The following EPB41L1 variants were observed in gnomAD, a reference collection of about 807,000 sequenced individuals.
EPB41L1 encodes the protein band 4.1-like protein 1.
Under a neutral mutation model 97.8 loss-of-function variants are expected in EPB41L1, and 29 were observed. That is an observed-to-expected ratio of 0.30 (90% CI 0.22 to 0.40). The LOEUF (loss-of-function observed/expected upper bound fraction) is 0.40, where lower values mean the gene tolerates loss of function less well. Ranked by LOEUF, EPB41L1 falls within the 10% of genes least tolerant of loss-of-function variation. EPB41L1 has a pLI of 1.00. For synonymous variants in EPB41L1, 383 were observed against 459.2 expected, an observed-to-expected ratio of 0.83 and a Z score of 2.12; for missense variants, 812 against 1,162.3, an observed-to-expected ratio of 0.70 and a Z score of 4.38.
chr20:36,211,440 A>G (rs1412961654), intron 15 of EPB41L1, among the ~76,000 whole-genome samples: 2 of 152,174 alleles, frequency 1.3e-5, no homozygotes, highest in African/African-American at 4.8e-5. Context: ...ACAGCTTGCC[A>G]TACCCAAATG....
chr20:36,196,835 G>A lies in EPB41L1; in HGVS notation c.1486-1024G>A, dbSNP rs531786809. 3.3e-5 allele frequency among the ~76,000 whole-genome samples: 5 copies of A among 152,356 alleles called. No individual in the cohort carries two copies. In the East Asian group the frequency reaches 9.6e-4, roughly 29 times the overall value. Reference sequence around the variant, plus strand: ...CACCACTTTGCCCCAGAAGTAGCCAGATAAACAGCTTTTGGCAGGTCCCTG... The same window carrying A: ...CACCACTTTGCCCCAGAAGTAGCCAAATAAACAGCTTTTGGCAGGTCCCTG... On this transcript the variant is annotated intron_variant, in intron 13 of 21. Coordinates refer to ENST00000338074, the MANE Select transcript of EPB41L1 (RefSeq NM_012156.2).
chr20:36,175,744 C>T lies in EPB41L1; in HGVS notation c.342+29C>T, dbSNP rs372360979. ...GGGGAGCACTGAGTGCCATATGTCC[C>T]GTCCCCGGTCAGCCAGCCTCAGGTC... On this transcript the variant is annotated intron_variant, in intron 3 of 21. Coordinates refer to ENST00000338074, the MANE Select transcript of EPB41L1 (RefSeq NM_012156.2). The T allele has an allele frequency of 2.6e-4, 426 of 1,612,940 alleles. 1 individual carries two copies. The East Asian group carries it at 4.2e-3, about 16-fold the overall frequency.
chr20:36,147,648 A>C (rs1346966098), intron 2 of EPB41L1, among the ~76,000 whole-genome samples: 1 of 152,242 alleles, frequency 6.6e-6, no homozygotes, highest in Non-Finnish European at 1.5e-5. Flanking sequence ...GTGCCAGCAC[A>C]TAAGTGGGGA....
At chr20:36,103,650 A>G (rs1178979541) in intron 1 of EPB41L1, among the ~76,000 whole-genome samples, 1 of 151,040 alleles carries the variant, frequency 6.6e-6, no homozygotes. Flanking sequence ...CTAATAAATG[A>G]TTATGAGTTA....
At chr20:36,228,067 T>C (rs1483504262) in intron 21 of EPB41L1, among the ~76,000 whole-genome samples, 1 of 152,240 alleles carries the variant, frequency 6.6e-6, no homozygotes, top group Admixed American at 6.5e-5. Context: ...TCGGTTTTCC[T>C]ATGTGTCAAA....
chr20:36,210,032 G>A (rs542428456), intron 15 of EPB41L1, 134 bp downstream of exon 15: 32 of 1,059,670 alleles, frequency 3.0e-5, no homozygotes, highest in Middle Eastern at 3.0e-4. Flanking sequence ...CTGCCCCTCC[G>A]CAGAACAGCA....
In EPB41L1 at chr20:36,195,244, G is replaced by A; in HGVS notation, c.1450-85G>A. The stretch of plus-strand genomic sequence containing the variant: ...CGAGTGTGCGTGCTCTGGGCTCCTT[G>A]CTGGACCAAGCCCATCGTGGTATCT... On this transcript the variant is annotated intron_variant, in intron 12 of 21. Coordinates refer to ENST00000338074, the MANE Select transcript of EPB41L1 (RefSeq NM_012156.2). This position sits in a 1 kb window ranked among gnomAD's most constrained non-coding sequence, Gnocchi z 4.6. 6.4e-7 allele frequency: 1 copy of A among 1,566,692 alleles called. No homozygotes were observed. Among genetic ancestry groups the A allele is most frequent in the Non-Finnish European group, 8.8e-7 (1 of 1,139,530 alleles).
At chr20:36,184,970 C>T (rs1443542227) in intron 6 of EPB41L1, 147 bp from the exon 7 acceptor site, 2 of 753,466 alleles carry the variant, frequency 2.7e-6, no homozygotes, top group Non-Finnish European at 4.5e-6. Flanking sequence ...TGAGACATAC[C>T]CAGATTGTCA....
chr20:36,221,859 T>G lies in EPB41L1; in HGVS notation c.2440-5T>G. On this transcript the variant is annotated splice_polypyrimidine_tract_variant and splice_region_variant and intron_variant, in intron 19 of 21. Transcript: ENST00000338074. ...GAGTGACCTCACCTCCCTCTCCCTC[T>G]GCAGACTGTGAAAGGAGGGTTTTCT... is the stretch of plus-strand genomic sequence containing the variant. The G allele has an allele frequency of 6.2e-7, 1 of 1,614,146 alleles. No homozygotes were observed. Among genetic ancestry groups the G allele is most frequent in the East Asian group, 2.2e-5 (1 of 44,880 alleles).
At chr20:36,096,254 G>A (rs538247249) in intron 1 of EPB41L1, among the ~76,000 whole-genome samples, 3 of 152,274 alleles carry the variant, frequency 2.0e-5, no homozygotes, top group South Asian at 2.1e-4. Flanking sequence ...TAGCACTCAG[G>A]CCCCACCTGG....
chr20:36,158,378 G>T (rs992882533), intron 1 of EPB41L1, among the ~76,000 whole-genome samples: 2 of 152,072 alleles, frequency 1.3e-5, no homozygotes, highest in African/African-American at 4.8e-5. Flanking sequence ...TTCCTATTTT[G>T]GTGCTCAGGG....
At chr20:36,197,714 G>A in intron 13 of EPB41L1, 145 bp from the exon 14 acceptor site, 1 of 1,547,378 alleles carries the variant, frequency 6.5e-7, no homozygotes, top group Non-Finnish European at 8.7e-7. Context: ...TGTCTCTGGG[G>A]CTGCCATGAG....
chr20:36,118,164 TG>T (rs1201414547), intron 2 of EPB41L1, among the ~76,000 whole-genome samples: 1 of 152,174 alleles, frequency 6.6e-6, no homozygotes, highest in Non-Finnish European at 1.5e-5. Context: ...ACTAATACGA[TG>T]GGCCTTTCCC....
intron 7 of EPB41L1, among the ~76,000 whole-genome samples, chr20:36,186,317 T>C (rs1350509205): frequency 6.6e-6 from 1 of 152,134 alleles, no homozygotes; most frequent in Admixed American, 6.6e-5. Context: ...GAAGGTGCAT[T>C]ATAAACTGTA....
At position 36,106,141 on chromosome 20, in the gene EPB41L1, G is replaced by A. The variant is rs558883469; in HGVS notation, c.-64-6285G>A. On this transcript the variant is annotated intron_variant, in intron 1 of 19. Transcript: ENST00000202028. ...GCAGCCAGTGGACCTTGCTGGCTTT[G>A]CCTCCTGCTGGGTGTGGGTGGGGGA... Among the ~76,000 whole-genome samples the A allele has an allele frequency of 4.6e-5, 7 of 152,330 alleles. No individual in the cohort carries two copies. The East Asian group carries it at 1.4e-3, about 29-fold the overall frequency.
Position 36,182,334 on chromosome 20 carries a change from GAAGACATCAC to G in EPB41L1, c.557_566del (p.Ile187ThrfsTer75). On this transcript the variant is annotated frameshift_variant, in exon 6 of 22. Transcript: ENST00000338074. LOFTEE classifies it high-confidence loss of function. ...CCCGCCTGATCCTGCCCAGCTGACA[GAAGACATCAC>G]AAGGTGAGGGCTGTGGAGGGAGAGA... is the stretch of plus-strand genomic sequence containing the variant. 1 of 1,614,122 alleles carries G rather than the reference GAAGACATCAC, an allele frequency of 6.2e-7. No homozygotes were observed. The highest frequency in any genetic ancestry group is 8.5e-7 in the Non-Finnish European group (1 of 1,179,960).
In EPB41L1 at chr20:36,185,231, T is replaced by C; in HGVS notation, c.681T>C (p.Tyr227=). ...CTGTGCAGGCTGAGCTGGGTGACTA[T>C]GATGCTGAGGAGCATGTGGGCAACT... ...SYAVQAELGD[Y]DAEEHVGNYV... Residue 227 remains tyrosine, a synonymous_variant, in exon 7 of 22, where the codon TAT becomes TAC. Transcript: ENST00000338074. 2 of 1,613,954 alleles carry C rather than the reference T, an allele frequency of 1.2e-6. No individual in the cohort carries two copies.
intron 2 of EPB41L1, among the ~76,000 whole-genome samples, chr20:36,174,750 C>T (rs2061153980): frequency 6.6e-6 from 1 of 152,104 alleles, no homozygotes; most frequent in Non-Finnish European, 1.5e-5. Context: ...TTCTCTCAGA[C>T]TAAAGAGGGT....
chr20:36,129,357 G>T (rs1026665766), intron 2 of EPB41L1, among the ~76,000 whole-genome samples: 1 of 149,548 alleles, frequency 6.7e-6, no homozygotes, highest in South Asian at 2.1e-4. Flanking sequence ...CGCTTCTCCT[G>T]GGGGGAGCCT....
Sources: allele counts gnomAD v4.1 joint callset (sites outside exome capture counted in the v4.1 genomes callset), GRCh38; gene constraint gnomAD v4.1.1; non-coding constraint Gnocchi (gnomAD v3.1); transcripts MANE v1.5; gene names NCBI Gene and HGNC (gene_info 2026-07-23, HGNC 2026-07-21).